Variants in TUSC3 observed in about 807,000 individuals in gnomAD.
TUSC3 encodes the protein dolichyl-diphosphooligosaccharide--protein glycosyltransferase subunit TUSC3.
TUSC3 carries 45 observed loss-of-function variants against 44.8 expected under a neutral mutation model. That is an observed-to-expected ratio of 1.00 (90% CI 0.79 to 1.29). TUSC3 has a LOEUF of 1.29. Ranked by LOEUF, TUSC3 falls within the 50% of genes most tolerant of loss-of-function variation. The pLI is 0.00. For synonymous variants in TUSC3, 212 were observed against 152.9 expected, an observed-to-expected ratio of 1.39 and a Z score of -2.85; for missense variants, 519 against 437.9, an observed-to-expected ratio of 1.19 and a Z score of -1.65.
intron 1 of TUSC3, among the ~76,000 whole-genome samples, chr8:15,616,701 C>G (rs937843282): frequency 2.6e-5 from 4 of 152,310 alleles, no homozygotes; most frequent in African/African-American, 9.6e-5. Flanking sequence ...GGAGAGAGCG[C>G]TACAACAGTC....
intron 2 of TUSC3, among the ~76,000 whole-genome samples, chr8:15,642,142 G>C (rs1054326911): frequency 2.0e-5 from 3 of 152,128 alleles, no homozygotes; most frequent in Non-Finnish European, 2.9e-5. Context: ...CAAAATTAGA[G>C]ATGTTTGGAA....
At chr8:15,555,139 CTTT>C (rs60676527) in intron 1 of TUSC3, among the ~76,000 whole-genome samples, 3,232 of 93,550 alleles carry the variant, frequency 0.035, 100 homozygotes, top group African/African-American at 0.12. Flanking sequence ...TAATAGCAGT[CTTT>C]TTTTTTTTTT....
At chr8:15,438,787 A>G (rs1799983750) in intron 1 of TUSC3, among the ~76,000 whole-genome samples, 1 of 152,192 alleles carries the variant, frequency 6.6e-6, no homozygotes, top group African/African-American at 2.4e-5. Context: ...TTCTCCTGAC[A>G]ATCCTAGGAG....
intron 1 of TUSC3, among the ~76,000 whole-genome samples, chr8:15,454,341 C>G (rs1800229787): frequency 6.6e-6 from 1 of 152,146 alleles, no homozygotes; most frequent in Non-Finnish European, 1.5e-5. Context: ...CCTTATGCCC[C>G]TCAGTTGAAT....
chr8:15,837,361 T>C, the TUSC3 span, among the ~76,000 whole-genome samples: 3 of 152,286 alleles, frequency 2.0e-5, no homozygotes, highest in South Asian at 6.2e-4. Flanking sequence ...TTTAAATGTA[T>C]TGGATTATGT....
chr8:15,551,579 A>C (rs11988142), intron 1 of TUSC3, among the ~76,000 whole-genome samples: 7,605 of 151,764 alleles, frequency 0.05, 707 homozygotes, highest in African/African-American at 0.17. Context: ...TCAAATACCT[A>C]ATCTACAAAG....
chr8:15,539,824 G>T (rs1450424075), upstream of TUSC3, among the ~76,000 whole-genome samples: 1 of 152,136 alleles, frequency 6.6e-6, no homozygotes, highest in Non-Finnish European at 1.5e-5. Context: ...GGGCTGGAAG[G>T]AACAGTTGTG....
downstream of TUSC3, among the ~76,000 whole-genome samples, chr8:15,770,143 A>G (rs1305846457): frequency 2.0e-5 from 3 of 152,210 alleles, no homozygotes; most frequent in African/African-American, 4.8e-5. Flanking sequence ...TCATAATAGC[A>G]AAGACTTGGA....
At chr8:15,824,359 G>C in the TUSC3 span, among the ~76,000 whole-genome samples, 1 of 152,136 alleles carries the variant, frequency 6.6e-6, no homozygotes, top group Admixed American at 6.5e-5. Flanking sequence ...CATTGGCAAG[G>C]TATGAATATC....
At chr8:15,544,352 T>A (rs1020238960) in intron 1 of TUSC3, among the ~76,000 whole-genome samples, 1 of 151,190 alleles carries the variant, frequency 6.6e-6, no homozygotes, top group African/African-American at 2.4e-5. Flanking sequence ...ATTCTGTAAT[T>A]ATTTCCAGTA....
intron 6 of TUSC3, among the ~76,000 whole-genome samples, chr8:15,726,091 C>T (rs1350857521): frequency 6.6e-6 from 1 of 152,078 alleles, no homozygotes; most frequent in Non-Finnish European, 1.5e-5. Flanking sequence ...GAGTATTTAC[C>T]ACTAGCACAA....
At chr8:15,795,485 CACTT>C in the TUSC3 span, among the ~76,000 whole-genome samples, 1 of 152,148 alleles carries the variant, frequency 6.6e-6, no homozygotes, top group Non-Finnish European at 1.5e-5. Context: ...AAAAATGTGT[CACTT>C]ACCCCTCCAG....
chr8:15,711,463 C>CGTGTGT (rs36058270), intron 6 of TUSC3, among the ~76,000 whole-genome samples: 2,421 of 144,944 alleles, frequency 0.017, 30 homozygotes, highest in African/African-American at 0.028. Flanking sequence ...CAAAAAGGTA[C>CGTGTGT]GTGTGTGTGT....
intron 1 of TUSC3, among the ~76,000 whole-genome samples, chr8:15,480,028 C>G (rs1435947808): frequency 6.6e-6 from 1 of 152,120 alleles, no homozygotes; most frequent in African/African-American, 2.4e-5. Flanking sequence ...AGAGCCAAAT[C>G]ATGAATGAAT....
chr8:15,758,396 C>A, intron 10 of TUSC3: 1 of 335,524 alleles, frequency 3.0e-6, no homozygotes, highest in Non-Finnish European at 4.2e-6. Flanking sequence ...TATAATTTTA[C>A]ATAAAAATAT....
At chr8:15,733,583 G>A (rs1810811975) in intron 7 of TUSC3, 1 of 223,714 alleles carries the variant, frequency 4.5e-6, no homozygotes, top group Non-Finnish European at 9.1e-6. Context: ...CAAGCAGTGT[G>A]AATGTTTTCA....
At chr8:15,538,006 G>C (rs563202101), upstream of TUSC3, among the ~76,000 whole-genome samples, 13 of 152,250 alleles carry the variant, frequency 8.5e-5, no homozygotes, top group South Asian at 2.1e-4. Flanking sequence ...TGTGTAAGTG[G>C]AGCTCTTATG....
intron 1 of TUSC3, among the ~76,000 whole-genome samples, chr8:15,594,149 A>T (rs1042628866): frequency 3.3e-5 from 5 of 152,154 alleles, no homozygotes; most frequent in Non-Finnish European, 7.4e-5. Flanking sequence ...TGCAATTTTA[A>T]ATTTGTCTTT....
the TUSC3 span, among the ~76,000 whole-genome samples, chr8:15,811,548 G>A: frequency 0.056 from 8,453 of 152,246 alleles, 341 homozygotes; most frequent in African/African-American, 0.11. Context: ...TGTATTTGCA[G>A]AGAGCTGGAT....
Sources: allele counts gnomAD v4.1 joint callset (sites outside exome capture counted in the v4.1 genomes callset), GRCh38; gene constraint gnomAD v4.1.1; transcripts MANE v1.5; gene names NCBI Gene and HGNC (gene_info 2026-07-23, HGNC 2026-07-21).